The following WDR26 variants were observed in gnomAD, a reference collection of about 807,000 sequenced individuals.
The protein encoded by WDR26 is WD repeat-containing protein 26.
Under a neutral mutation model 84.1 loss-of-function variants are expected in WDR26, and 5 were observed. The ratio of observed to expected loss-of-function variants is 0.06; its 90% CI spans 0.03 to 0.13. The LOEUF is 0.13. Ranked by LOEUF, WDR26 falls within the 10% of genes least tolerant of loss-of-function variation. The pLI is 1.00. For missense variants in WDR26, 642 were observed against 974.9 expected, an observed-to-expected ratio of 0.66 and a Z score of 4.55; for synonymous variants, 415 against 389.6, an observed-to-expected ratio of 1.07 and a Z score of -0.77.
At chr1:224,433,607 T>TCCCCTCCCCCCC in intron 1 of WDR26, 77 bp downstream of exon 1, 1 of 250,552 alleles carries the variant, frequency 4.0e-6, no homozygotes, top group Non-Finnish European at 5.5e-6. Flanking sequence ...CCCTCCCCCC[T>TCCCCTCCCCCCC]CCGCCCCTTC....
chr1:224,420,696 G>A lies in WDR26; in HGVS notation c.1065-1081C>T, dbSNP rs1467602707. The stretch of plus-strand genomic sequence containing the variant: ...TTAGTACATAAATAGTGCTTTAACT[G>A]ATCAAAAAAACTTATTTAATAATGT... On this transcript the variant is annotated intron_variant, in intron 4 of 13. Transcript: ENST00000414423. Among the ~76,000 whole-genome samples, 11 of 152,086 alleles carry A rather than the reference G, an allele frequency of 7.2e-5. No homozygotes were observed. In the East Asian group the frequency reaches 9.6e-4, roughly 13 times the overall value.
intron 13 of WDR26, among the ~76,000 whole-genome samples, 195 bp downstream of exon 13, chr1:224,393,633 C>T (rs531983380): frequency 6.1e-4 from 93 of 152,198 alleles, no homozygotes; most frequent in Non-Finnish European, 1.2e-3. Flanking sequence ...ACTGTGCCCC[C>T]CAAAACAACC....
Position 224,424,508 on chromosome 1 carries a change from G to A in WDR26, c.1064+10C>T. ...CCATTAACCTGAGTTCAAGAACTCA[G>A]TTTCCTTACCCACTAAGAACATGAA... is the stretch of plus-strand genomic sequence containing the variant. On this transcript the variant is annotated intron_variant, in intron 4 of 13. Transcript: ENST00000414423. 6.2e-7 allele frequency: 1 copy of A among 1,613,494 alleles called. No homozygotes were observed. The highest frequency in any genetic ancestry group is 8.5e-7 in the Non-Finnish European group (1 of 1,179,720).
chr1:224,433,735 T>A lies in WDR26; in HGVS notation c.671A>T (p.Asp224Val). 1 of 1,535,680 alleles carries A rather than the reference T, an allele frequency of 6.5e-7. No individual in the cohort carries two copies. Among genetic ancestry groups the A allele is most frequent in the East Asian group, 2.4e-5 (1 of 40,882 alleles). The change falls in exon 1 of 14, where the codon GAT becomes GTT. Residue 224 changes from aspartate (D) to valine (V), a missense_variant. Transcript: ENST00000414423. Reference sequence around the variant, plus strand: ...TCCTATTAGCCTAATGACATCCTCATCTGACTGGGAGAGCCGCTTCTTCTT... The same window carrying A: ...TCCTATTAGCCTAATGACATCCTCAACTGACTGGGAGAGCCGCTTCTTCTT...
chr1:224,433,838 C>T lies in WDR26; in HGVS notation c.568G>A (p.Ala190Thr). ...GTGGCGGAGGCAGCTGCGACGGTGG[C>T]TGAGGATGCGGCGGCCGCCCCGCCG... The change falls in exon 1 of 14, where the codon GCC becomes ACC. Residue 190 changes from alanine (A) to threonine (T), a missense_variant. By Grantham distance (58) the Ala-to-Thr change is moderately conservative (BLOSUM62 0). This residue lies in a region of WDR26 where 291 missense variants were observed against 302.1 expected (regional missense o/e 0.96). Coordinates refer to ENST00000414423, the MANE Select transcript of WDR26 (RefSeq NM_001379403.1). 3.3e-6 allele frequency: 5 copies of T among 1,536,894 alleles called. No homozygotes were observed. Among genetic ancestry groups the T allele is most frequent in the African/African-American group, 1.4e-5 (1 of 73,136 alleles).
intron 3 of WDR26, among the ~76,000 whole-genome samples, chr1:224,427,036 G>A (rs542199065): frequency 2.4e-3 from 358 of 147,142 alleles, no homozygotes; most frequent in African/African-American, 8.4e-3. Flanking sequence ...CTGGAAGGTG[G>A]AGGTTGCAGT....
chr1:224,428,052 T>A (rs1461708109), intron 3 of WDR26, among the ~76,000 whole-genome samples: 1 of 152,194 alleles, frequency 6.6e-6, no homozygotes, highest in Non-Finnish European at 1.5e-5. Flanking sequence ...TCTCTAATGA[T>A]TTTTTACCAT....
intron 9 of WDR26, among the ~76,000 whole-genome samples, chr1:224,400,108 A>AATG (rs1247340748): frequency 2.0e-5 from 3 of 152,194 alleles, no homozygotes. Context: ...TTATGATATA[A>AATG]ATGATACTTA....
Position 224,433,836 on chromosome 1 carries a change from G to A in WDR26, c.570C>T (p.Ala190=), listed in dbSNP as rs202205027. Residue 190 remains alanine (A), a synonymous_variant, in exon 1 of 14, where the codon GCC becomes GCT. Transcript: ENST00000414423. ...TGGTGGCGGAGGCAGCTGCGACGGT[G>A]GCTGAGGATGCGGCGGCCGCCCCGC... 18,747 of 1,536,926 alleles carry A rather than the reference G, an allele frequency of 0.012. 137 individuals carry two copies. The highest frequency in any genetic ancestry group is 0.015 in the Non-Finnish European group (16,953 of 1,146,784).
chr1:224,433,622 AC>A, intron 1 of WDR26, 61 bp downstream of exon 1: 6 of 852,306 alleles, frequency 7.0e-6, no homozygotes, highest in East Asian at 5.3e-5. Context: ...CCCTTCCCCT[AC>A]CCCCCTGGAG....
chr1:224,413,412 G>A, intron 6 of WDR26: 4 of 596,828 alleles, frequency 6.7e-6, no homozygotes, highest in African/African-American at 1.9e-5. Flanking sequence ...TAGCAGATGG[G>A]TATTTGCAGG....
chr1:224,389,382 A>C lies in WDR26; in HGVS notation c.*453T>G, dbSNP rs3795637. The C allele has an allele frequency of 2.6e-4, 82 of 312,292 alleles. No individual in the cohort carries two copies. In the East Asian group the frequency reaches 4.5e-3, roughly 17 times the overall value. 19.3% of individuals were successfully genotyped at this position (312,292 alleles called of 1,614,324 possible). On this transcript the variant is annotated 3_prime_UTR_variant, in exon 14 of 14. Coordinates refer to ENST00000414423, the MANE Select transcript of WDR26 (RefSeq NM_001379403.1). ...AAAGATTTGGAGAAACAAAAGAAGG[A>C]AATTCTTTCCTATCCAATGTATACT...
At chr1:224,420,559 A>G (rs1674030735) in intron 4 of WDR26, among the ~76,000 whole-genome samples, 1 of 152,188 alleles carries the variant, frequency 6.6e-6, no homozygotes, top group Non-Finnish European at 1.5e-5. Flanking sequence ...CTCAGTTAAC[A>G]TGAGTATCAT....
Position 224,398,939 on chromosome 1 carries a change from T to G in WDR26, c.1815A>C (p.Thr605=), listed in dbSNP as rs753999794. The change falls in exon 10 of 14, where the codon ACA becomes ACC. Residue 605 remains threonine, a synonymous_variant. Transcript: ENST00000414423. ...AGTTATAGCCCCGAATTCGCTGGTG[T>G]GTATCTGATGCCAGAACAGTCTTTC... is the stretch of plus-strand genomic sequence containing the variant. 6.2e-7 allele frequency: 1 copy of G among 1,613,892 alleles called. No individual in the cohort carries two copies. Among genetic ancestry groups the G allele is most frequent in the Non-Finnish European group, 8.5e-7 (1 of 1,179,936 alleles).
chr1:224,390,679 T>C (rs1381078966), intron 13 of WDR26, among the ~76,000 whole-genome samples: 1 of 152,106 alleles, frequency 6.6e-6, no homozygotes, highest in Admixed American at 6.5e-5. Context: ...CCATTTAAAG[T>C]GTACACTTTG....
At chr1:224,401,684 AAAAAAG>A (rs1235148602) in intron 8 of WDR26, among the ~76,000 whole-genome samples, 10 of 114,992 alleles carry the variant, frequency 8.7e-5, no homozygotes, top group African/African-American at 2.5e-4. Context: ...AAAAAAAAAA[AAAAAAG>A]AAAAAAAAAA....
chr1:224,410,871 T>C (rs1368013112), intron 7 of WDR26, among the ~76,000 whole-genome samples: 1 of 151,880 alleles, frequency 6.6e-6, no homozygotes, highest in Non-Finnish European at 1.5e-5. Flanking sequence ...GCTAATTTTT[T>C]GTAGTGACAG....
At chr1:224,421,215 C>T (rs1379155074) in intron 4 of WDR26, among the ~76,000 whole-genome samples, 1 of 151,980 alleles carries the variant, frequency 6.6e-6, no homozygotes, top group Non-Finnish European at 1.5e-5. Context: ...AGAATAAAAC[C>T]CATATGACTA....
chr1:224,429,371 T>C (rs1314494310), intron 3 of WDR26: 4 of 151,826 alleles, frequency 2.6e-5, no homozygotes, highest in Admixed American at 2.0e-4. Flanking sequence ...TAAAGTACAA[T>C]TTTAGTCTAG....
Sources: allele counts gnomAD v4.1 joint callset (sites outside exome capture counted in the v4.1 genomes callset), GRCh38; gene constraint gnomAD v4.1.1; regional missense constraint gnomAD v4.1.1; transcripts MANE v1.5; gene names NCBI Gene and HGNC (gene_info 2026-07-23, HGNC 2026-07-21).